MBOAT2: variants seen among roughly 807,000 people sequenced by gnomAD.
MBOAT2 encodes the protein membrane-bound glycerophospholipid O-acyltransferase 2.
MBOAT2 carries 28 observed loss-of-function variants against 63.4 expected under a neutral mutation model. That is an observed-to-expected ratio of 0.44 (90% confidence interval 0.33 to 0.61). MBOAT2 has a LOEUF of 0.61. Ranked by LOEUF, MBOAT2 falls within the 20% of genes least tolerant of loss-of-function variation. MBOAT2 has a pLI of 0.03. For synonymous variants in MBOAT2, 211 were observed against 215.6 expected, an observed-to-expected ratio of 0.98 and a Z score of 0.19; for missense variants, 470 against 605.8, an observed-to-expected ratio of 0.78 and a Z score of 2.35.
At chr2:8,869,033 T>G (rs1662113592) in intron 8 of MBOAT2, among the ~76,000 whole-genome samples, 1 of 152,130 alleles carries the variant, frequency 6.6e-6, no homozygotes, top group African/African-American at 2.4e-5. Context: ...CAGAACCTAC[T>G]CTGTGTATAT....
At chr2:8,896,923 T>C (rs552698814) in intron 4 of MBOAT2, among the ~76,000 whole-genome samples, 27 of 152,324 alleles carry the variant, frequency 1.8e-4, no homozygotes, top group South Asian at 6.2e-4. Context: ...GGAAACCTGC[T>C]GGGTTAAGGA....
In MBOAT2 at chr2:8,864,241, A is replaced by G. The variant is rs1361670649; in HGVS notation, c.988-7T>C. ...TCTTGAAACTTGTTGACATCTGAAA[A>G]AAAAGGAAACTTTTTTCTTTGTGTC... On this transcript the variant is annotated splice_region_variant and splice_polypyrimidine_tract_variant and intron_variant, in intron 9 of 12. Coordinates refer to ENST00000305997, the MANE Select transcript of MBOAT2 (RefSeq NM_138799.4). 6.5e-7 allele frequency: 1 copy of G among 1,548,642 alleles called. No individual in the cohort carries two copies. The highest frequency in any genetic ancestry group is 2.1e-5 in the Admixed American group (1 of 47,356).
intron 9 of MBOAT2, among the ~76,000 whole-genome samples, chr2:8,866,735 T>G (rs1000363118): frequency 2.1e-4 from 32 of 152,248 alleles, no homozygotes; most frequent in African/African-American, 7.7e-4. Context: ...TCTTTTAATC[T>G]GTAACAGCTT....
chr2:8,873,579 AAAAGCAAGCATAAG>A (rs1475169312), intron 7 of MBOAT2, among the ~76,000 whole-genome samples: 10 of 152,184 alleles, frequency 6.6e-5, no homozygotes, highest in Non-Finnish European at 8.8e-5. Flanking sequence ...AAAAAAATCT[AAAAGCAAGCATAAG>A]TGTATTGGTG....
intron 9 of MBOAT2, 137 bp downstream of exon 9, chr2:8,868,309 G>T: frequency 1.5e-6 from 1 of 686,668 alleles, no homozygotes; most frequent in Non-Finnish European, 2.5e-6. Flanking sequence ...CGACCAATAT[G>T]TATTGGTTAA....
intron 2 of MBOAT2, among the ~76,000 whole-genome samples, chr2:8,949,748 G>A (rs1440282886): frequency 4.6e-5 from 7 of 152,126 alleles, no homozygotes; most frequent in African/African-American, 1.7e-4. Flanking sequence ...CATCCTTATA[G>A]TATAGTTTTA....
intron 1 of MBOAT2, among the ~76,000 whole-genome samples, chr2:8,997,876 G>A (rs1263481874): frequency 6.6e-6 from 1 of 152,130 alleles, no homozygotes. Flanking sequence ...TGAAGGACAT[G>A]GAATACAGGG....
In MBOAT2 at chr2:8,930,403, C is replaced by T. The variant is rs1395355656; in HGVS notation, c.299+12784G>A. ...GCTTCATCCATGTTCCTACAAAGGACATGAACTCATCTTTTTTATGGCTGC... is the reference window on the plus strand; with the variant it reads ...GCTTCATCCATGTTCCTACAAAGGATATGAACTCATCTTTTTTATGGCTGC... On this transcript the variant is annotated intron_variant, in intron 3 of 12. Coordinates refer to ENST00000305997, the MANE Select transcript of MBOAT2 (RefSeq NM_138799.4). 2.7e-5 allele frequency among the ~76,000 whole-genome samples: 4 copies of T among 150,378 alleles called. No individual in the cohort carries two copies. The East Asian group carries it at 7.7e-4, about 29-fold the overall frequency.
At position 8,908,650 on chromosome 2, in the gene MBOAT2, G is replaced by T; in HGVS notation, c.366C>A (p.Asp122Glu). Reference protein sequence around the residue: ...VCQVTRVYIFDYGQYSADFSG... With the variant: ...VCQVTRVYIFEYGQYSADFSG... ...AAAAATCAGCAGAATATTGTCCATAGTCAAAGATATAGACTCGAGTAACTT... is the reference window on the plus strand; with the variant it reads ...AAAAATCAGCAGAATATTGTCCATATTCAAAGATATAGACTCGAGTAACTT... Residue 122 changes from aspartate (D) to glutamate (E), a missense_variant, in exon 4 of 13, where the codon GAC (aspartate) becomes GAA (glutamate). Around this residue, in one of 3 missense-constraint regions of MBOAT2, gnomAD observed 376 missense variants for 503.8 expected, o/e 0.75. Coordinates refer to ENST00000305997, the MANE Select transcript of MBOAT2 (RefSeq NM_138799.4). 1 of 1,609,996 alleles carries T rather than the reference G, an allele frequency of 6.2e-7. No homozygotes were observed. Among genetic ancestry groups the T allele is most frequent in the Non-Finnish European group, 8.5e-7 (1 of 1,177,274 alleles).
At chr2:8,888,095 T>G in intron 4 of MBOAT2, 22 bp from the exon 5 acceptor site, 5 of 1,605,332 alleles carry the variant, frequency 3.1e-6, no homozygotes, top group Non-Finnish European at 4.3e-6. Flanking sequence ...TAAAAAAAAT[T>G]AGTGTTTTAA....
Position 8,877,197 on chromosome 2 carries a change from G to A in MBOAT2, c.523C>T (p.Leu175=), listed in dbSNP as rs1662759167. The A allele has an allele frequency of 6.2e-7, 1 of 1,611,860 alleles. No individual in the cohort carries two copies. The highest frequency in any genetic ancestry group is 8.5e-7 in the Non-Finnish European group (1 of 1,179,260). ...TTACAGTTGTAACTCAAATACTCCA[G>A]TAAGCTTGGCATGCGCCTGCAATGA... is the stretch of plus-strand genomic sequence containing the variant. The part of the protein sequence containing the change: ...DLAVRRMPSL[L]EYLSYNCNFM... The change falls in exon 7 of 13, where the codon CTG becomes TTG. Residue 175 remains leucine, a synonymous_variant. Transcript: ENST00000305997.
chr2:8,913,246 T>G (rs184264675), intron 3 of MBOAT2, among the ~76,000 whole-genome samples: 35 of 152,162 alleles, frequency 2.3e-4, no homozygotes, highest in Non-Finnish European at 3.1e-4. Flanking sequence ...GAAGATAACA[T>G]TGGAAAAACC....
At chr2:8,965,649 T>C (rs1669927160) in intron 1 of MBOAT2, among the ~76,000 whole-genome samples, 1 of 152,176 alleles carries the variant, frequency 6.6e-6, no homozygotes, top group East Asian at 1.9e-4. Flanking sequence ...TGCTTTAAAT[T>C]TCCTCCCTCT....
At position 8,912,415 on chromosome 2, in the gene MBOAT2, GA is replaced by G. The variant is rs1396210970; in HGVS notation, c.300-3700del. Among the ~76,000 whole-genome samples the G allele has an allele frequency of 9.7e-4, 134 of 138,250 alleles. 2 individuals carry two copies. Among genetic ancestry groups the G allele is most frequent in the African/African-American group, 2.2e-3 (77 of 34,308 alleles). The allele number at this position is 138,250 out of a possible 152,430, so 90.7% of individuals were successfully genotyped here. On this transcript the variant is annotated intron_variant, in intron 3 of 12. Coordinates refer to ENST00000305997, the MANE Select transcript of MBOAT2 (RefSeq NM_138799.4). ...AGAAAGAAAGAAAGAAAGAAAGAAA[GA>G]CAGGCCGGCCGGCCTTGAAAACCCT...
intron 4 of MBOAT2, among the ~76,000 whole-genome samples, chr2:8,890,277 C>T (rs1015251960): frequency 2.0e-5 from 3 of 152,174 alleles, no homozygotes; most frequent in African/African-American, 7.2e-5. Flanking sequence ...AGTAGCTTCC[C>T]CTGTGCCCAC....
At chr2:8,996,389 A>C (rs151176691) in intron 1 of MBOAT2, among the ~76,000 whole-genome samples, 22 of 152,280 alleles carry the variant, frequency 1.4e-4, no homozygotes, top group Middle Eastern at 3.4e-3. Context: ...GTAGAGAAGT[A>C]AGTCATATTG....
At position 8,862,505 on chromosome 2, in the gene MBOAT2, G is replaced by C; in HGVS notation, c.1185+85C>G. On this transcript the variant is annotated intron_variant, in intron 11 of 12. Coordinates refer to ENST00000305997, the MANE Select transcript of MBOAT2 (RefSeq NM_138799.4). This position sits in a 1 kb window ranked among gnomAD's most constrained non-coding sequence, Gnocchi z 4.3. ...TACTGACCACGACCAAGGAAAGAGG[G>C]TCTACCTTGTAAGAGAGATGTACTC... The C allele has an allele frequency of 6.7e-7, 1 of 1,485,048 alleles. No homozygotes were observed. Among genetic ancestry groups the C allele is most frequent in the Non-Finnish European group, 9.2e-7 (1 of 1,092,372 alleles). The allele number at this position is 1,485,048 out of a possible 1,614,324, so 92.0% of individuals were successfully genotyped here. A position where few individuals can be genotyped will look rare whatever the true frequency, so the allele number is the denominator to read the frequency against.
At chr2:8,919,847 T>C (rs897164123) in intron 3 of MBOAT2, among the ~76,000 whole-genome samples, 4 of 152,106 alleles carry the variant, frequency 2.6e-5, no homozygotes, top group Non-Finnish European at 5.9e-5. Context: ...CTTGGACTCC[T>C]GGGTTCAAGT....
rs192326504 is a variant in MBOAT2 at position 8,864,835 on chromosome 2, T to C, written c.988-601A>G. 5.8e-4 allele frequency among the ~76,000 whole-genome samples: 88 copies of C among 152,342 alleles called. 1 individual carries two copies. Among genetic ancestry groups the C allele is most frequent in the African/African-American group, 1.5e-3 (61 of 41,582 alleles). ...AGAGGGGGCCTTTCATCTCCCACCCTGTCTACTTTTATCCTATGTAACTCT... is the reference window on the plus strand; with the variant it reads ...AGAGGGGGCCTTTCATCTCCCACCCCGTCTACTTTTATCCTATGTAACTCT... On this transcript the variant is annotated intron_variant, in intron 9 of 12. Coordinates refer to ENST00000305997, the MANE Select transcript of MBOAT2 (RefSeq NM_138799.4).
Sources: gnomAD v4.1 joint callset for allele counts (sites outside exome capture counted in the v4.1 genomes callset) on GRCh38, gnomAD v4.1.1 for gene constraint, gnomAD v4.1.1 regional missense constraint, Gnocchi (gnomAD v3.1) non-coding constraint, MANE v1.5 for transcripts, NCBI Gene and HGNC (gene_info 2026-07-23, HGNC 2026-07-21) for gene names.